Variants in BTBD16 observed in about 807,000 individuals in gnomAD.
The protein encoded by BTBD16 is BTB/POZ domain-containing protein 16.
A neutral mutation model predicts 67.4 loss-of-function variants in BTBD16; 66 were observed. The ratio of observed to expected loss-of-function variants is 0.98; its 90% confidence interval spans 0.80 to 1.20. The LOEUF is 1.20. BTBD16 is among the 50% of genes most tolerant of loss of function. The pLI is 0.00. For missense variants in BTBD16, 634 were observed against 616.0 expected (o/e 1.03, Z -0.31); for synonymous variants, 242 against 236.4 (o/e 1.02, Z -0.22).
chr10:122,334,722 A>G (rs1363481990), intron 13 of BTBD16, 159 bp from the exon 14 acceptor site: 2 of 130,970 alleles, frequency 1.5e-5, no homozygotes, highest in Admixed American at 1.7e-4. Flanking sequence ...GGGTTTTGCC[A>G]CATTGGCCAG....
rs150864014 is a variant in BTBD16, at chr10:122,293,580, G to T, written c.590+2386G>T. ...GTTGCAGGCAGAGCCAACTGGTGTA[G>T]CGTCTTAGAACCATCTAAGGAATCT... On this transcript the variant is annotated intron_variant, in intron 7 of 15. Coordinates refer to ENST00000260723, the MANE Select transcript of BTBD16 (RefSeq NM_144587.5). Among the ~76,000 whole-genome samples, 512 of 152,296 alleles carry T rather than the reference G, an allele frequency of 3.4e-3. 3 individuals carry two copies. The highest frequency in any genetic ancestry group is 0.011 in the African/African-American group (477 of 41,550).
intron 5 of BTBD16, among the ~76,000 whole-genome samples, chr10:122,288,249 T>G (rs561219017): frequency 2.6e-5 from 4 of 151,956 alleles, no homozygotes; most frequent in African/African-American, 9.7e-5. Context: ...TGCCACGGGG[T>G]GGATGGCAGG....
intron 10 of BTBD16, among the ~76,000 whole-genome samples, chr10:122,322,250 C>T (rs907817850): frequency 6.6e-6 from 1 of 152,092 alleles, no homozygotes; most frequent in Non-Finnish European, 1.5e-5. Context: ...CTTTTTCTAA[C>T]CTCTTGAAAT....
chr10:122,323,538 G>A (rs1394508925), intron 10 of BTBD16, among the ~76,000 whole-genome samples: 1 of 152,172 alleles, frequency 6.6e-6, no homozygotes, highest in Non-Finnish European at 1.5e-5. Flanking sequence ...GGTGAAATTG[G>A]TCAGTATTAT....
chr10:122,277,015 C>T (rs1458496953), intron 3 of BTBD16, 76 bp downstream of exon 3: 1 of 1,522,104 alleles, frequency 6.6e-7, no homozygotes, highest in African/African-American at 1.4e-5. Context: ...GACCGGGCCA[C>T]TCTGATTGGC....
intron 7 of BTBD16, chr10:122,294,050 T>G: frequency 1.6e-5 from 14 of 849,654 alleles, no homozygotes; most frequent in South Asian, 5.4e-5. Flanking sequence ...ATTCCACTGA[T>G]GAGCAAACAT....
chr10:122,327,456 C>G, intron 10 of BTBD16: 2 of 334,146 alleles, frequency 6.0e-6, no homozygotes, highest in African/African-American at 4.5e-5. Flanking sequence ...CCCTTCTCCC[C>G]AAGGCACCAC....
chr10:122,307,880 T>G (rs539540119), intron 10 of BTBD16, among the ~76,000 whole-genome samples: 1 of 152,370 alleles, frequency 6.6e-6, no homozygotes, highest in East Asian at 1.9e-4. Context: ...TGCATTGTTT[T>G]GAAGCACGTA....
intron 1 of BTBD16, among the ~76,000 whole-genome samples, chr10:122,273,221 GATATATATATAT>G (rs71715395): frequency 1.2e-4 from 15 of 129,484 alleles, no homozygotes; most frequent in South Asian, 5.3e-4. Context: ...GCAACACAAA[GATATATATATAT>G]ATATATATAT....
At chr10:122,334,320 T>C (rs1250808783) in intron 13 of BTBD16, among the ~76,000 whole-genome samples, 2 of 150,782 alleles carry the variant, frequency 1.3e-5, no homozygotes, top group Admixed American at 6.6e-5. Flanking sequence ...CTCAGCCTCC[T>C]GAGTAGCTGG....
chr10:122,282,129 C>T (rs2096354444), intron 3 of BTBD16, among the ~76,000 whole-genome samples: 1 of 152,212 alleles, frequency 6.6e-6, no homozygotes, highest in Non-Finnish European at 1.5e-5. Context: ...TCCCGGCATC[C>T]CTTGGCTCAG....
At chr10:122,332,667 A>G in intron 13 of BTBD16, 154 bp downstream of exon 13, 1 of 598,822 alleles carries the variant, frequency 1.7e-6, no homozygotes, top group Non-Finnish European at 2.1e-6. Flanking sequence ...CATGGTCATC[A>G]GCTCCCAGGA....
intron 10 of BTBD16, among the ~76,000 whole-genome samples, chr10:122,308,040 T>C (rs1231730758): frequency 6.6e-6 from 1 of 152,216 alleles, no homozygotes; most frequent in Non-Finnish European, 1.5e-5. Flanking sequence ...ACCCAAATGT[T>C]TTACCCGCCC....
intron 9 of BTBD16, chr10:122,303,625 A>G (rs4237538): frequency 0.46 from 336,427 of 726,358 alleles, 80,939 homozygotes; most frequent in East Asian, 0.9. Context: ...ACGAAAGAGG[A>G]CTTTTATTGT....
intron 7 of BTBD16, 111 bp downstream of exon 7, chr10:122,291,305 G>A: frequency 7.4e-7 from 1 of 1,348,698 alleles, no homozygotes; most frequent in East Asian, 2.7e-5. Flanking sequence ...GACACCTCAG[G>A]TGTCTTTGTG....
chr10:122,324,869 A>G (rs2096441637), intron 10 of BTBD16, among the ~76,000 whole-genome samples: 2 of 152,240 alleles, frequency 1.3e-5, no homozygotes, highest in African/African-American at 4.8e-5. Context: ...ACCAAAACAT[A>G]CCTTCAACAA....
intron 10 of BTBD16, among the ~76,000 whole-genome samples, chr10:122,328,095 G>A (rs574878801): frequency 2.9e-4 from 44 of 152,288 alleles, no homozygotes; most frequent in Non-Finnish European, 5.1e-4. Flanking sequence ...CCATGATGAC[G>A]CCTCAGCTGT....
chr10:122,296,101 G>C (rs2096382618), intron 7 of BTBD16, among the ~76,000 whole-genome samples: 1 of 151,964 alleles, frequency 6.6e-6, no homozygotes, highest in Non-Finnish European at 1.5e-5. Flanking sequence ...CTTGATCAGT[G>C]ATATTCGATG....
At chr10:122,334,554 T>C (rs1057265081) in intron 13 of BTBD16, among the ~76,000 whole-genome samples, 1 of 124,728 alleles carries the variant, frequency 8.0e-6, no homozygotes, top group African/African-American at 3.1e-5. Flanking sequence ...TCACCCAGGC[T>C]GGAGTGCAGT....
Sources: gnomAD v4.1 joint callset for allele counts (sites outside exome capture counted in the v4.1 genomes callset) on GRCh38, gnomAD v4.1.1 for gene constraint, MANE v1.5 for transcripts, NCBI Gene and HGNC (gene_info 2026-07-23, HGNC 2026-07-21) for gene names.